The following SBK1 variants were observed in gnomAD, a reference collection of about 807,000 sequenced individuals.
SBK1 encodes the protein serine/threonine-protein kinase SBK1.
SBK1 carries 11 observed loss-of-function variants against 24.4 expected under a neutral mutation model. The ratio of observed to expected loss-of-function variants is 0.45; its 90% CI spans 0.28 to 0.75. The LOEUF is 0.75. SBK1 is among the 30% of genes least tolerant of loss of function. The pLI is 0.12. For missense variants in SBK1, 467 were observed against 620.5 expected (o/e 0.75, Z 2.63); for synonymous variants, 308 against 284.4 (o/e 1.08, Z -0.83).
At chr16:28,313,832 G>A (rs1397894416) in intron 1 of SBK1, among the ~76,000 whole-genome samples, 1 of 152,100 alleles carries the variant, frequency 6.6e-6, no homozygotes, top group Non-Finnish European at 1.5e-5. Flanking sequence ...AGGCTGGGTC[G>A]TGCCGAGAGT....
intron 1 of SBK1, among the ~76,000 whole-genome samples, chr16:28,302,664 T>C (rs1359353036): frequency 6.6e-6 from 1 of 152,204 alleles, no homozygotes; most frequent in African/African-American, 2.4e-5. Context: ...CCAACTGGAT[T>C]GTACCCGGTA....
intron 1 of SBK1, among the ~76,000 whole-genome samples, chr16:28,308,740 G>GGT (rs763015809): frequency 0.12 from 15,181 of 130,428 alleles, 782 homozygotes; most frequent in Admixed American, 0.16. Context: ...CGTTCTTTGG[G>GGT]GTGTGTGTGT....
In SBK1 at chr16:28,322,110, G is replaced by A. The variant is rs962013222; in HGVS notation, c.*1189G>A. 1 of 152,764 alleles carries A rather than the reference G, an allele frequency of 6.5e-6. No individual in the cohort carries two copies. The highest frequency in any genetic ancestry group is 1.5e-5 in the Non-Finnish European group (1 of 68,412). The allele number at this position is 152,764 out of a possible 1,614,324, so 9.5% of individuals were successfully genotyped here. A position where few individuals can be genotyped will look rare whatever the true frequency, so the allele number is the denominator to read the frequency against. The stretch of plus-strand genomic sequence containing the variant: ...CACCAGGGGGCGAGTGTGTGACTAG[G>A]TGTGTGTGCACATGTGTAGGGTGCA... On this transcript the variant is annotated 3_prime_UTR_variant, in exon 4 of 4. Coordinates refer to ENST00000341901, the MANE Select transcript of SBK1 (RefSeq NM_001024401.3).
intron 1 of SBK1, among the ~76,000 whole-genome samples, chr16:28,303,548 T>C (rs1447155231): frequency 7.3e-6 from 1 of 136,956 alleles, no homozygotes; most frequent in African/African-American, 2.7e-5. Context: ...AGGGTCTTGC[T>C]CTGTTACCCA....
intron 1 of SBK1, among the ~76,000 whole-genome samples, chr16:28,316,606 A>T (rs1057071923): frequency 2.0e-5 from 3 of 152,018 alleles, no homozygotes; most frequent in Non-Finnish European, 4.4e-5. Flanking sequence ...CTCTACAAAA[A>T]AAAAATTAAA....
chr16:28,314,920 A>C (rs2044782342), intron 1 of SBK1, among the ~76,000 whole-genome samples: 1 of 152,178 alleles, frequency 6.6e-6, no homozygotes, highest in African/African-American at 2.4e-5. Flanking sequence ...CGGAGGTTGC[A>C]AAAAGCCAAG....
chr16:28,267,370 T>C (rs758806971), intron 1 of SBK1, among the ~76,000 whole-genome samples: 20 of 152,242 alleles, frequency 1.3e-4, no homozygotes, highest in African/African-American at 1.9e-4. Flanking sequence ...TATCACTTTC[T>C]CTGACCACAC....
At chr16:28,302,961 TGG>T (rs57035524) in intron 1 of SBK1, among the ~76,000 whole-genome samples, 15,329 of 146,340 alleles carry the variant, frequency 0.1, 1,316 homozygotes, top group African/African-American at 0.24. Flanking sequence ...GAGCAGGGCA[TGG>T]GGGGGGGTCA....
At position 28,317,511 on chromosome 16, in the gene SBK1, T is replaced by A. The variant is rs947350029; in HGVS notation, c.120T>A (p.Thr40=). The A allele has an allele frequency of 5.0e-6, 8 of 1,613,988 alleles. No homozygotes were observed. In the African/African-American group the frequency reaches 8.0e-5, roughly 16 times the overall value. Residue 40 remains threonine (T), a synonymous_variant, in exon 2 of 4, where the codon ACT becomes ACA. Coordinates refer to ENST00000341901, the MANE Select transcript of SBK1 (RefSeq NM_001024401.3). The surrounding 1 kb of genome is among the most constrained non-coding windows in gnomAD (Gnocchi z 4.2). ...PLLTEDMQAL[T]LRTLAASDVT... Reference sequence around the variant, plus strand: ...TCACTGAAGACATGCAGGCCCTGACTCTCCGCACACTGGCCGCCAGCGACG... The same window carrying A: ...TCACTGAAGACATGCAGGCCCTGACACTCCGCACACTGGCCGCCAGCGACG...
At chr16:28,268,526 G>A (rs2141560046) in intron 1 of SBK1, among the ~76,000 whole-genome samples, 1 of 152,052 alleles carries the variant, frequency 6.6e-6, no homozygotes, top group East Asian at 1.9e-4. Context: ...ACTTTGGGAG[G>A]CTGAGGCGGG....
chr16:28,314,901 C>A (rs971148469), intron 1 of SBK1, among the ~76,000 whole-genome samples: 1 of 152,130 alleles, frequency 6.6e-6, no homozygotes, highest in African/African-American at 2.4e-5. Context: ...ATTGTTTGAA[C>A]CCAAGAGGCG....
intron 1 of SBK1, among the ~76,000 whole-genome samples, chr16:28,311,050 C>T (rs939219278): frequency 2.6e-5 from 4 of 151,860 alleles, no homozygotes; most frequent in East Asian, 1.9e-4. Context: ...TGACACCTTG[C>T]GGAGAAAAGG....
At chr16:28,264,227 C>T (rs2044414318) in intron 1 of SBK1, among the ~76,000 whole-genome samples, 1 of 152,122 alleles carries the variant, frequency 6.6e-6, no homozygotes, top group Admixed American at 6.5e-5. Context: ...GTGATCTGGG[C>T]TTTGGGGATT....
intron 1 of SBK1, among the ~76,000 whole-genome samples, chr16:28,280,875 G>T (rs2044529386): frequency 6.6e-6 from 1 of 152,184 alleles, no homozygotes; most frequent in East Asian, 1.9e-4. Flanking sequence ...ATGTTGGCCA[G>T]ACTGGTCTCG....
In SBK1 at chr16:28,320,823, G is replaced by T; in HGVS notation, c.1177G>T (p.Gly393Cys). ...VPVPVPVPEPGLAPQGPPGRT... is the reference protein window; with the variant it reads ...VPVPVPVPEPCLAPQGPPGRT... ...CGTGCCGGTGCCTGTGCCCGAGCCC[G>T]GCCTAGCTCCCCAGGGGCCCCCCGG... Residue 393 changes from glycine (G) to cysteine (C), a missense_variant, in exon 4 of 4, where the codon GGC becomes TGC. Physicochemically the swap from Gly to Cys is radical, Grantham distance 159. Coordinates refer to ENST00000341901, the MANE Select transcript of SBK1 (RefSeq NM_001024401.3). The surrounding 1 kb of genome is among the most constrained non-coding windows in gnomAD (Gnocchi z 8.5). 1.4e-6 allele frequency: 2 copies of T among 1,457,528 alleles called. No individual in the cohort carries two copies. The highest frequency in any genetic ancestry group is 9.1e-7 in the Non-Finnish European group (1 of 1,104,786). The allele number at this position is 1,457,528 out of a possible 1,614,324, so 90.3% of individuals were successfully genotyped here.
Position 28,293,135 on chromosome 16 carries a change from G to A in SBK1, c.-173G>A. ...GACACTCTCACCAGCAAGAAGCCTC[G>A]GGGATCCCCCCCCTAAAGCTCCAGG... On this transcript the variant is annotated 5_prime_UTR_variant, in exon 1 of 4. Coordinates refer to ENST00000341901, the MANE Select transcript of SBK1 (RefSeq NM_001024401.3). 3.0e-6 allele frequency: 3 copies of A among 985,650 alleles called. No individual in the cohort carries two copies. Among genetic ancestry groups the A allele is most frequent in the Non-Finnish European group, 3.6e-6 (3 of 830,104 alleles). The allele number at this position is 985,650 out of a possible 1,614,324, so 61.1% of individuals were successfully genotyped here.
chr16:28,322,783 A>G lies in SBK1; in HGVS notation c.*1862A>G, dbSNP rs2044860990. 1.3e-5 allele frequency: 2 copies of G among 152,670 alleles called. No individual in the cohort carries two copies. The allele number at this position is 152,670 out of a possible 1,614,324, so 9.5% of individuals were successfully genotyped here. ...ACTGCCCCCGGCCCACCTGGAGCCC[A>G]TCGGGGCTGCCTCTCCCAGCCGCGA... On this transcript the variant is annotated 3_prime_UTR_variant, in exon 4 of 4. Transcript: ENST00000341901.
Position 28,293,162 on chromosome 16 carries a change from C to T in SBK1, c.-146C>T. 3 of 985,640 alleles carry T rather than the reference C, an allele frequency of 3.0e-6. No homozygotes were observed. The highest frequency in any genetic ancestry group is 3.6e-6 in the Non-Finnish European group (3 of 830,066). The allele number at this position is 985,640 out of a possible 1,614,324, so 61.1% of individuals were successfully genotyped here. On this transcript the variant is annotated 5_prime_UTR_variant, in exon 1 of 4. Transcript: ENST00000341901. ...GGATCCCCCCCCTAAAGCTCCAGGA[C>T]TTGGGCGACTGAGCCCCTGGCGGCA...
At chr16:28,280,155 G>T (rs1206372239) in intron 1 of SBK1, among the ~76,000 whole-genome samples, 2 of 81,374 alleles carry the variant, frequency 2.5e-5, no homozygotes, top group African/African-American at 9.2e-5. Flanking sequence ...ATATATGTGT[G>T]TGTGTGTGTG....
Sources: gnomAD v4.1 joint callset for allele counts (sites outside exome capture counted in the v4.1 genomes callset) on GRCh38, gnomAD v4.1.1 for gene constraint, Gnocchi (gnomAD v3.1) non-coding constraint, MANE v1.5 for transcripts, NCBI Gene and HGNC (gene_info 2026-07-23, HGNC 2026-07-21) for gene names.